The following KCNB2 variants were observed in gnomAD, a reference collection of about 807,000 sequenced individuals.
KCNB2 encodes delayed rectifier potassium channel protein.
In KCNB2, 15 loss-of-function variants were observed where a neutral mutation model predicts 61.5. That is an observed-to-expected ratio of 0.24 (90% CI 0.16 to 0.38). The LOEUF is 0.38. Among genes scored for constraint, KCNB2 ranks in the 10% least tolerant of loss-of-function variants. The probability of loss-of-function intolerance (pLI) is 1.00; values close to 1 mark genes in which losing one functional copy is unlikely to be tolerated. For synonymous variants in KCNB2, 457 were observed against 446.0 expected (o/e 1.02, Z -0.31); for missense variants, 828 against 1,125.2 (o/e 0.74, Z 3.78).
intron 2 of KCNB2, among the ~76,000 whole-genome samples, chr8:72,827,816 C>CTT (rs11346090): frequency 7.0e-6 from 1 of 143,652 alleles, no homozygotes. Flanking sequence ...AAGTTTCTTT[C>CTT]TTTTTTTTTT....
chr8:72,573,264 G>T (rs571440704), intron 2 of KCNB2, among the ~76,000 whole-genome samples: 1 of 152,246 alleles, frequency 6.6e-6, no homozygotes, highest in South Asian at 2.1e-4. Context: ...TTATTCTAAT[G>T]CTTTGAATGA....
intron 2 of KCNB2, among the ~76,000 whole-genome samples, chr8:72,681,415 A>G (rs1806751421): frequency 6.6e-6 from 1 of 152,142 alleles, no homozygotes; most frequent in Non-Finnish European, 1.5e-5. Flanking sequence ...AGGCCTACAC[A>G]GCACCAGGAT....
intron 1 of KCNB2, among the ~76,000 whole-genome samples, chr8:72,541,125 T>C (rs1806182340): frequency 6.6e-6 from 1 of 151,782 alleles, no homozygotes; most frequent in Admixed American, 6.6e-5. Context: ...ATGAAGAGGA[T>C]CATGAAAATT....
intron 2 of KCNB2, among the ~76,000 whole-genome samples, chr8:72,830,349 AC>A (rs1177119774): frequency 1.1e-4 from 16 of 151,816 alleles, no homozygotes; most frequent in African/African-American, 3.9e-4. Context: ...GTGCTCACTT[AC>A]CCACAGGTCC....
intron 2 of KCNB2, among the ~76,000 whole-genome samples, chr8:72,725,591 G>GTATGTATATATATA (rs1807631795): frequency 7.7e-5 from 4 of 51,936 alleles, no homozygotes; most frequent in African/African-American, 2.6e-4. Flanking sequence ...ATATATGTAT[G>GTATGTATATATATA]TATATATATA....
chr8:72,782,686 T>G (rs1163486155), intron 2 of KCNB2, among the ~76,000 whole-genome samples: 2 of 152,152 alleles, frequency 1.3e-5, no homozygotes, highest in African/African-American at 4.8e-5. Context: ...TCTGAATAAC[T>G]CCTGTGTAAG....
intron 1 of KCNB2, among the ~76,000 whole-genome samples, chr8:72,551,325 C>T: frequency 6.6e-6 from 1 of 152,070 alleles, no homozygotes; most frequent in South Asian, 2.1e-4. Context: ...GGTCCTAAAC[C>T]TTCAACTTGG....
At chr8:72,647,125 G>A (rs988718675) in intron 2 of KCNB2, among the ~76,000 whole-genome samples, 9 of 152,072 alleles carry the variant, frequency 5.9e-5, no homozygotes, top group African/African-American at 2.2e-4. Flanking sequence ...GGGTTGGCAG[G>A]CTGAAGAGAA....
intron 2 of KCNB2, among the ~76,000 whole-genome samples, chr8:72,790,653 GT>G (rs899068377): frequency 4.6e-5 from 7 of 151,828 alleles, no homozygotes; most frequent in Admixed American, 3.3e-4. Context: ...AGAACGGGTG[GT>G]TTTTTTTCTC....
intron 2 of KCNB2, among the ~76,000 whole-genome samples, chr8:72,736,705 A>G (rs959435639): frequency 1.3e-5 from 2 of 152,174 alleles, no homozygotes; most frequent in Non-Finnish European, 2.9e-5. Flanking sequence ...AAATTAACCT[A>G]AAGTTTATAA....
intron 2 of KCNB2, among the ~76,000 whole-genome samples, chr8:72,581,130 A>G (rs1279216407): frequency 2.0e-5 from 3 of 152,162 alleles, no homozygotes; most frequent in African/African-American, 7.2e-5. Flanking sequence ...CCACATGGCT[A>G]TATCCATCCA....
chr8:72,856,255 A>G (rs781004702), intron 2 of KCNB2, among the ~76,000 whole-genome samples: 4 of 152,148 alleles, frequency 2.6e-5, no homozygotes, highest in Non-Finnish European at 5.9e-5. Context: ...TATAATCAAT[A>G]TGAAAATTAA....
chr8:72,936,600 T>C lies in KCNB2; in HGVS notation c.1245T>C (p.Ile415=), dbSNP rs759587815. ...GVLVIALPIP[I]IVNNFSEFYK... is the part of the protein sequence containing the mutation. ...TGGTTATTGCCCTTCCTATCCCAAT[T>C]ATTGTGAACAATTTTTCTGAGTTTT... The change falls in exon 3 of 3, where the codon ATT becomes ATC. Residue 415 remains isoleucine, a synonymous_variant. Coordinates refer to ENST00000523207, the MANE Select transcript of KCNB2 (RefSeq NM_004770.3). The surrounding 1 kb of genome is among the most constrained non-coding windows in gnomAD (Gnocchi z 5.6). 3 of 1,614,176 alleles carry C rather than the reference T, an allele frequency of 1.9e-6. No homozygotes were observed. The East Asian group carries it at 6.7e-5, about 36-fold the overall frequency.
chr8:72,697,900 A>G (rs1028386259), intron 2 of KCNB2, among the ~76,000 whole-genome samples: 1 of 152,124 alleles, frequency 6.6e-6, no homozygotes, highest in South Asian at 2.1e-4. Flanking sequence ...AGAGATACCA[A>G]TGCTGGGCCC....
chr8:72,822,532 ACCT>A (rs1404512902), intron 2 of KCNB2, among the ~76,000 whole-genome samples: 1 of 151,768 alleles, frequency 6.6e-6, no homozygotes, highest in African/African-American at 2.4e-5. Flanking sequence ...CTGTCTCTCC[ACCT>A]CCACCACCCT....
In KCNB2 at chr8:72,558,160, T is replaced by C. The variant is rs567322716; in HGVS notation, c.-93-9482T>C. ...GTTTGTCAATTTTAAATAACTCACG[T>C]CAAGTAGATGTTTCCAGGTTTAAGC... On this transcript the variant is annotated intron_variant, in intron 1 of 2. Transcript: ENST00000523207. Among the ~76,000 whole-genome samples, 9 of 152,334 alleles carry C rather than the reference T, an allele frequency of 5.9e-5. No individual in the cohort carries two copies. The East Asian group carries it at 1.7e-3, about 29-fold the overall frequency.
At chr8:72,684,445 G>C (rs1452587798) in intron 2 of KCNB2, among the ~76,000 whole-genome samples, 1 of 152,104 alleles carries the variant, frequency 6.6e-6, no homozygotes, top group Non-Finnish European at 1.5e-5. Context: ...GAGTGGGTAG[G>C]AGTAAGGGGT....
At chr8:72,933,643 T>G (rs1324398731) in intron 2 of KCNB2, among the ~76,000 whole-genome samples, 3 of 152,218 alleles carry the variant, frequency 2.0e-5, no homozygotes, top group Admixed American at 6.5e-5. Flanking sequence ...GACCATTGAT[T>G]TTTCAGGAAT....
intron 2 of KCNB2, among the ~76,000 whole-genome samples, chr8:72,596,827 C>A (rs1446381186): frequency 6.6e-6 from 1 of 151,972 alleles, no homozygotes; most frequent in Non-Finnish European, 1.5e-5. Context: ...TTGGGGTTTT[C>A]CAAATATCAC....
Sources: gnomAD v4.1 joint callset for allele counts (sites outside exome capture counted in the v4.1 genomes callset) on GRCh38, gnomAD v4.1.1 for gene constraint, Gnocchi (gnomAD v3.1) non-coding constraint, MANE v1.5 for transcripts, NCBI Gene and HGNC (gene_info 2026-07-23, HGNC 2026-07-21) for gene names.